BRD10: variants seen among roughly 807,000 people sequenced by gnomAD.
BRD10 encodes the protein bromodomain containing 10.
At chr9:5,921,750 T>C in the BRD10 span, 8 of 1,614,006 alleles carry the variant, frequency 5.0e-6, no homozygotes, top group Non-Finnish European at 6.8e-6. Context: ...CTAATTACAC[T>C]TACCGAACTA....
At chr9:5,896,796 A>G in the BRD10 span, among the ~76,000 whole-genome samples, 3 of 152,196 alleles carry the variant, frequency 2.0e-5, no homozygotes, top group African/African-American at 7.2e-5. Flanking sequence ...ACAGGGCCCA[A>G]GAGGCTGGTG....
the BRD10 span, among the ~76,000 whole-genome samples, chr9:5,883,155 T>TA: frequency 5.2e-3 from 435 of 83,960 alleles, 3 homozygotes; most frequent in African/African-American, 0.014. Flanking sequence ...ACTTAAAGTA[T>TA]AAAAAAAAAC....
chr9:5,990,202 C>A, the BRD10 span, among the ~76,000 whole-genome samples: 1 of 152,180 alleles, frequency 6.6e-6, no homozygotes, highest in African/African-American at 2.4e-5. Flanking sequence ...ATTGCGGACC[C>A]AGGGAAGATA....
chr9:5,915,283 G>A, the BRD10 span, among the ~76,000 whole-genome samples: 649 of 151,696 alleles, frequency 4.3e-3, 4 homozygotes, highest in African/African-American at 0.015. Context: ...ATCCTGACTG[G>A]TCTCCCTGTC....
At chr9:5,968,477 C>T in the BRD10 span, 93 of 1,611,286 alleles carry the variant, frequency 5.8e-5, no homozygotes, top group Middle Eastern at 3.3e-4. Flanking sequence ...ATTTTCTTTA[C>T]AACAATCAGT....
At chr9:5,940,381 G>C in the BRD10 span, among the ~76,000 whole-genome samples, 1 of 151,954 alleles carries the variant, frequency 6.6e-6, no homozygotes, top group Non-Finnish European at 1.5e-5. Flanking sequence ...TTTTTGTAGA[G>C]ACAGGGTTTC....
At chr9:5,889,562 G>A in the BRD10 span, among the ~76,000 whole-genome samples, 3 of 152,276 alleles carry the variant, frequency 2.0e-5, no homozygotes, top group South Asian at 6.2e-4. Flanking sequence ...TGAGGCAGGT[G>A]GATCATGAGG....
chr9:5,912,205 A>AT, the BRD10 span, among the ~76,000 whole-genome samples: 1 of 152,164 alleles, frequency 6.6e-6, no homozygotes, highest in Non-Finnish European at 1.5e-5. Flanking sequence ...AATGATACTG[A>AT]TTTTTTAATG....
the BRD10 span, among the ~76,000 whole-genome samples, chr9:5,947,470 G>A: frequency 3.9e-5 from 6 of 151,952 alleles, no homozygotes; most frequent in Admixed American, 2.0e-4. Flanking sequence ...TTAAATGTAC[G>A]ATAAGACAAT....
the BRD10 span, among the ~76,000 whole-genome samples, chr9:5,959,707 C>T: frequency 8.5e-5 from 13 of 152,244 alleles, no homozygotes; most frequent in African/African-American, 1.4e-4. Flanking sequence ...TTCACAGATA[C>T]GGGCCTGGAA....
the BRD10 span, among the ~76,000 whole-genome samples, chr9:5,966,455 CTT>C: frequency 2.4e-5 from 2 of 83,750 alleles, no homozygotes; most frequent in African/African-American, 9.3e-5. Flanking sequence ...CTAACATTTC[CTT>C]TTTTTTTTTT....
chr9:5,919,472 T>C, the BRD10 span: 1 of 487,122 alleles, frequency 2.1e-6, no homozygotes, highest in Admixed American at 3.7e-5. Context: ...GAACAGTAAG[T>C]GAAATGGAAC....
the BRD10 span, chr9:5,945,095 T>C: frequency 6.7e-6 from 3 of 447,802 alleles, no homozygotes; most frequent in South Asian, 1.7e-4. Flanking sequence ...AGAAAAGCTC[T>C]GCAGTTTATA....
the BRD10 span, chr9:6,008,248 C>T: frequency 3.1e-6 from 3 of 983,042 alleles, no homozygotes; most frequent in Non-Finnish European, 3.6e-6. Context: ...CCGGCTCCTC[C>T]TCTCCCTCAC....
chr9:5,895,831 C>T, the BRD10 span, among the ~76,000 whole-genome samples: 1 of 152,220 alleles, frequency 6.6e-6, no homozygotes, highest in Non-Finnish European at 1.5e-5. Context: ...GTCAGGCATA[C>T]CCTGGTGCTT....
chr9:5,888,883 C>A, the BRD10 span, among the ~76,000 whole-genome samples: 3 of 152,178 alleles, frequency 2.0e-5, no homozygotes, highest in Non-Finnish European at 4.4e-5. Context: ...TTATTCTACA[C>A]AACAACAAGG....
the BRD10 span, chr9:6,007,111 C>G: frequency 7.1e-7 from 1 of 1,401,900 alleles, no homozygotes. Flanking sequence ...CGCCCCCAGG[C>G]CCCTGGCCCA....
chr9:5,920,559 G>C, the BRD10 span: 2 of 1,614,006 alleles, frequency 1.2e-6, no homozygotes, highest in Non-Finnish European at 1.7e-6. Context: ...CTTGTTGAAA[G>C]GGACGACAAT....
At chr9:5,899,971 CA>C in the BRD10 span, among the ~76,000 whole-genome samples, 2 of 152,138 alleles carry the variant, frequency 1.3e-5, no homozygotes, top group Admixed American at 1.3e-4. Flanking sequence ...AATGTATATC[CA>C]TTTTTATTTA....
Sources: gnomAD v4.1 joint callset for allele counts (sites outside exome capture counted in the v4.1 genomes callset) on GRCh38, gnomAD v4.1.1 for gene constraint, MANE v1.5 for transcripts, NCBI Gene and HGNC (gene_info 2026-07-23, HGNC 2026-07-21) for gene names.